ENPP1: variants seen among roughly 807,000 people sequenced by gnomAD.
The protein encoded by ENPP1 is ectonucleotide pyrophosphatase/phosphodiesterase family member 1.
In ENPP1, 73 loss-of-function variants were observed where a neutral mutation model predicts 122.8. That is an observed-to-expected ratio of 0.59 (90% CI 0.49 to 0.72). The LOEUF is 0.72. Ranked by LOEUF, ENPP1 falls within the 30% of genes least tolerant of loss-of-function variation. The probability of loss-of-function intolerance (pLI) is 0.00; values close to 1 mark genes in which losing one functional copy is unlikely to be tolerated. For missense variants in ENPP1, 978 were observed against 1,128.1 expected, an observed-to-expected ratio of 0.87 and a Z score of 1.91; for synonymous variants, 367 against 391.6, an observed-to-expected ratio of 0.94 and a Z score of 0.74.
In ENPP1 at chr6:131,852,692, A is replaced by G. The variant is rs1781897272; in HGVS notation, c.617+457A>G. Among the ~76,000 whole-genome samples, 4 of 152,322 alleles carry G rather than the reference A, an allele frequency of 2.6e-5. No homozygotes were observed. The South Asian group carries it at 8.3e-4, about 32-fold the overall frequency. ...ATGAATATTTAGTCTTTGGTATTGA[A>G]GAATGCTAGATAAAAATATTTGCAT... On this transcript the variant is annotated intron_variant, in intron 5 of 24. Transcript: ENST00000647893.
rs754192696 is a variant in ENPP1 at position 131,850,123 on chromosome 6, A to G, written c.430+17A>G. On this transcript the variant is annotated intron_variant, in intron 3 of 24. Coordinates refer to ENST00000647893, the MANE Select transcript of ENPP1 (RefSeq NM_006208.3). Reference sequence around the variant, plus strand: ...TAGAACCAGGTAAGGATGAGCAGGGAAAAAAGTGGAGTTATGGTCATTAGG... The same window carrying G: ...TAGAACCAGGTAAGGATGAGCAGGGGAAAAAGTGGAGTTATGGTCATTAGG... The G allele has an allele frequency of 2.8e-5, 41 of 1,487,324 alleles. No individual in the cohort carries two copies. The highest frequency in any genetic ancestry group is 3.7e-5 in the Non-Finnish European group (39 of 1,064,202). 92.1% of individuals were successfully genotyped at this position (1,487,324 alleles called of 1,614,324 possible).
intron 1 of ENPP1, among the ~76,000 whole-genome samples, chr6:131,813,231 T>C (rs561453815): frequency 1.3e-5 from 2 of 152,108 alleles, no homozygotes; most frequent in East Asian, 3.9e-4. Flanking sequence ...TGGCTGTGTG[T>C]GATGGCTCAT....
chr6:131,815,871 A>ATT (rs750091125), intron 1 of ENPP1, among the ~76,000 whole-genome samples: 127 of 115,822 alleles, frequency 1.1e-3, no homozygotes, highest in African/African-American at 4.0e-3. Flanking sequence ...CACCTGGCTA[A>ATT]TTTTTTTTTT....
intron 1 of ENPP1, among the ~76,000 whole-genome samples, chr6:131,811,493 C>CT (rs1444308631): frequency 2.6e-5 from 4 of 151,758 alleles, no homozygotes; most frequent in Non-Finnish European, 5.9e-5. Context: ...AGCATAGATT[C>CT]AAGTTGCCCT....
rs1265678807 is a variant in ENPP1 at position 131,874,347 on chromosome 6, C to T, written c.1635+10C>T. The T allele has an allele frequency of 2.7e-6, 4 of 1,467,560 alleles. No individual in the cohort carries two copies. The highest frequency in any genetic ancestry group is 3.8e-6 in the Non-Finnish European group (4 of 1,049,660). The allele number at this position is 1,467,560 out of a possible 1,614,324, so 90.9% of individuals were successfully genotyped here. ...ATTTTCAAATATGCAAGTGAGTAAA[C>T]CTATTATACTTAATTGGATTAAATC... On this transcript the variant is annotated intron_variant, in intron 16 of 24. Coordinates refer to ENST00000647893, the MANE Select transcript of ENPP1 (RefSeq NM_006208.3).
intron 11 of ENPP1, among the ~76,000 whole-genome samples, chr6:131,867,110 C>T (rs1417242410): frequency 1.3e-5 from 2 of 152,176 alleles, no homozygotes; most frequent in African/African-American, 4.8e-5. Flanking sequence ...CTGTGAACTC[C>T]AACATTACTG....
chr6:131,856,902 A>G (rs1244179273), intron 6 of ENPP1, among the ~76,000 whole-genome samples: 3 of 152,004 alleles, frequency 2.0e-5, no homozygotes, highest in African/African-American at 7.3e-5. Flanking sequence ...GCCTTGTAGT[A>G]TAGTTCGAAG....
intron 1 of ENPP1, among the ~76,000 whole-genome samples, chr6:131,812,073 T>G (rs1781362481): frequency 6.6e-6 from 1 of 152,190 alleles, no homozygotes; most frequent in Admixed American, 6.5e-5. Flanking sequence ...GGTCATTCAC[T>G]TACACTGGAG....
At chr6:131,866,235 T>TA (rs959634672) in intron 11 of ENPP1, among the ~76,000 whole-genome samples, 12 of 151,856 alleles carry the variant, frequency 7.9e-5, no homozygotes, top group African/African-American at 1.7e-4. Context: ...CATAGACTAT[T>TA]AAAAAAAACA....
At chr6:131,845,723 T>C (rs1484282711) in intron 1 of ENPP1, among the ~76,000 whole-genome samples, 1 of 152,182 alleles carries the variant, frequency 6.6e-6, no homozygotes, top group Non-Finnish European at 1.5e-5. Context: ...CCTCTCAAAG[T>C]GCCTGGCCGT....
chr6:131,829,301 A>G (rs2114668764), intron 1 of ENPP1, among the ~76,000 whole-genome samples: 1 of 152,350 alleles, frequency 6.6e-6, no homozygotes, highest in African/African-American at 2.4e-5. Context: ...ATTTAACGAC[A>G]TATCTTTCTT....
In ENPP1 at chr6:131,877,015, C is replaced by T; in HGVS notation, c.1747C>T (p.Pro583Ser). 1.9e-6 allele frequency: 3 copies of T among 1,614,102 alleles called. No homozygotes were observed. Among genetic ancestry groups the T allele is most frequent in the Non-Finnish European group, 8.5e-7 (1 of 1,179,994 alleles). The change falls in exon 18 of 25, where the codon CCT becomes TCT. Residue 583 changes from proline (P) to serine (S), a missense_variant. Physicochemically the swap from Pro to Ser is moderately conservative, Grantham distance 74. Coordinates refer to ENST00000647893, the MANE Select transcript of ENPP1 (RefSeq NM_006208.3). Reference protein sequence around the residue: ...MCDLLNLTPAPNNGTHGSLNH... With the variant: ...MCDLLNLTPASNNGTHGSLNH... ...AGATTTACTGAATTTGACACCGGCT[C>T]CTAATAACGGAACTCATGGAAGTCT...
rs772951654 is a variant in ENPP1 at position 131,894,236 on chromosome 6, G to A, written c.*3725G>A. Reference sequence around the variant, plus strand: ...CCCAAAGTGCTGGGATTACAGGCTCGAGCCACTGCCTCCAGCCTATCCTGA... The same window carrying A: ...CCCAAAGTGCTGGGATTACAGGCTCAAGCCACTGCCTCCAGCCTATCCTGA... On this transcript the variant is annotated 3_prime_UTR_variant, in exon 25 of 25. Coordinates refer to ENST00000647893, the MANE Select transcript of ENPP1 (RefSeq NM_006208.3). 8 of 151,606 alleles carry A rather than the reference G, an allele frequency of 5.3e-5. No individual in the cohort carries two copies. Among genetic ancestry groups the A allele is most frequent in the South Asian group, 2.1e-4 (1 of 4,800 alleles). 9.4% of individuals were successfully genotyped at this position (151,606 alleles called of 1,614,324 possible). A position where few individuals can be genotyped will look rare whatever the true frequency, so the allele number is the denominator to read the frequency against.
chr6:131,883,418 G>A (rs1373219810), intron 21 of ENPP1, among the ~76,000 whole-genome samples: 1 of 152,178 alleles, frequency 6.6e-6, no homozygotes, highest in Admixed American at 6.5e-5. Context: ...TGAAATGAGG[G>A]CAATAACGTT....
rs1782237320 is a variant in ENPP1, at chr6:131,876,999, G to A, written c.1731G>A (p.Leu577=). The change falls in exon 18 of 25, where the codon CTG becomes CTA. Residue 577 remains leucine, a synonymous_variant. Coordinates refer to ENST00000647893, the MANE Select transcript of ENPP1 (RefSeq NM_006208.3). ...CATCTTGAAATTATGCAGATTTACT[G>A]AATTTGACACCGGCTCCTAATAACG... ...IEVYNLMCDL[L]NLTPAPNNGT... is the part of the protein sequence containing the mutation. The A allele has an allele frequency of 1.2e-6, 2 of 1,613,852 alleles. No individual in the cohort carries two copies. Among genetic ancestry groups the A allele is most frequent in the Non-Finnish European group, 8.5e-7 (1 of 1,179,908 alleles).
chr6:131,885,035 C>T lies in ENPP1; in HGVS notation c.2416C>T (p.Arg806Cys), dbSNP rs770659674. The T allele has an allele frequency of 5.0e-5, 80 of 1,613,742 alleles. No homozygotes were observed. The highest frequency in any genetic ancestry group is 6.4e-5 in the Non-Finnish European group (76 of 1,179,890). The change falls in exon 23 of 25, where the codon CGT (arginine) becomes TGT (cysteine). Residue 806 changes from arginine to cysteine, a missense_variant. Physicochemically the swap from Arg to Cys is radical, Grantham distance 180. Coordinates refer to ENST00000647893, the MANE Select transcript of ENPP1 (RefSeq NM_006208.3). ...TGTGTTTGACTTTGATTATGATGGACGTTGTGATTCCTTAGAGAATCTGAG... is the reference window on the plus strand; with the variant it reads ...TGTGTTTGACTTTGATTATGATGGATGTTGTGATTCCTTAGAGAATCTGAG... Reference protein sequence around the residue: ...GPVFDFDYDGRCDSLENLRQK... With the variant: ...GPVFDFDYDGCCDSLENLRQK...
Position 131,864,538 on chromosome 6 carries a change from T to C in ENPP1, c.1058T>C (p.Val353Ala). Residue 353 changes from valine (V) to alanine (A), a missense_variant, in exon 10 of 25, where the codon GTT becomes GCT. Val to Ala is a moderately conservative substitution (Grantham distance 64, BLOSUM62 0). Transcript: ENST00000647893. Reference sequence around the variant, plus strand: ...CCATTTGAAGAAAGGATTTTAGCTGTTCTTCAGTGGCTACAGCTTCCTAAA... The same window carrying C: ...CCATTTGAAGAAAGGATTTTAGCTGCTCTTCAGTGGCTACAGCTTCCTAAA... ...SVPFEERILAVLQWLQLPKDE... is the reference protein window; with the variant it reads ...SVPFEERILAALQWLQLPKDE... 1 of 1,610,760 alleles carries C rather than the reference T, an allele frequency of 6.2e-7. No homozygotes were observed. The highest frequency in any genetic ancestry group is 8.5e-7 in the Non-Finnish European group (1 of 1,177,130).
chr6:131,819,103 T>C (rs1328008350), intron 1 of ENPP1, among the ~76,000 whole-genome samples: 1 of 152,188 alleles, frequency 6.6e-6, no homozygotes, highest in Non-Finnish European at 1.5e-5. Context: ...TTTCATGTTG[T>C]TTAATGACAT....
intron 14 of ENPP1, among the ~76,000 whole-genome samples, chr6:131,872,469 G>A (rs1483985074): frequency 2.0e-5 from 3 of 152,052 alleles, no homozygotes; most frequent in African/African-American, 7.2e-5. Context: ...AAAAAATTAA[G>A]TTTCTGTACT....
Sources: allele counts gnomAD v4.1 joint callset (sites outside exome capture counted in the v4.1 genomes callset), GRCh38; gene constraint gnomAD v4.1.1; transcripts MANE v1.5; gene names NCBI Gene and HGNC (gene_info 2026-07-23, HGNC 2026-07-21).